Variants in PKP3 observed in about 807,000 individuals in gnomAD.
PKP3 encodes the protein plakophilin-3.
A neutral mutation model predicts 76.5 loss-of-function variants in PKP3; 66 were observed. That is an observed-to-expected ratio of 0.86 (90% confidence interval 0.71 to 1.06). The LOEUF (loss-of-function observed/expected upper bound fraction) is 1.06, where lower values mean the gene tolerates loss of function less well. Ranked by LOEUF, PKP3 falls within the 50% of genes least tolerant of loss-of-function variation. The pLI, the probability that PKP3 is intolerant of heterozygous loss-of-function variation, is 0.00. For missense variants in PKP3, 1,338 were observed against 1,141.0 expected, an observed-to-expected ratio of 1.17 and a Z score of -2.49; for synonymous variants, 638 against 516.5, an observed-to-expected ratio of 1.24 and a Z score of -3.19.
Position 404,625 on chromosome 11 carries a change from G to T in PKP3, c.*56G>T, listed in dbSNP as rs1590363338. On this transcript the variant is annotated 3_prime_UTR_variant, in exon 13 of 13. Transcript: ENST00000331563. The surrounding 1 kb of genome is among the most constrained non-coding windows in gnomAD (Gnocchi z 4.2). Reference sequence around the variant, plus strand: ...GCCCAGCGTCCAAGGGACAGACTCAGCTCCAGGCTGCTTGGCAGCCCAGCC... The same window carrying T: ...GCCCAGCGTCCAAGGGACAGACTCATCTCCAGGCTGCTTGGCAGCCCAGCC... 3 of 1,559,776 alleles carry T rather than the reference G, an allele frequency of 1.9e-6. No homozygotes were observed. The highest frequency in any genetic ancestry group is 4.5e-5 in the East Asian group (2 of 44,606).
chr11:398,352 G>C (rs573682229), intron 4 of PKP3, among the ~76,000 whole-genome samples: 4 of 4,266 alleles, frequency 9.4e-4, no homozygotes, highest in Admixed American at 3.0e-3. Context: ...CGTCACCTCC[G>C]TACCCCCGCA....
At position 404,640 on chromosome 11, in the gene PKP3, G is replaced by A. The variant is rs1847226003; in HGVS notation, c.*71G>A. On this transcript the variant is annotated 3_prime_UTR_variant, in exon 13 of 13. Transcript: ENST00000331563. The surrounding 1 kb of genome is among the most constrained non-coding windows in gnomAD (Gnocchi z 4.2). ...GACAGACTCAGCTCCAGGCTGCTTG[G>A]CAGCCCAGCCTGGAGGAGAAGGCTA... 6.7e-7 allele frequency: 1 copy of A among 1,493,436 alleles called. No homozygotes were observed. The allele number at this position is 1,493,436 out of a possible 1,614,324, so 92.5% of individuals were successfully genotyped here.
At chr11:392,665 C>G (rs1846989890), upstream of PKP3, 9 of 1,286,858 alleles carry the variant, frequency 7.0e-6, no homozygotes, top group Non-Finnish European at 9.1e-6. Context: ...GCAGTGGCCT[C>G]TGGGATGAGC....
chr11:394,144 G>A (rs567110861), upstream of PKP3: 8,266 of 1,249,570 alleles, frequency 6.6e-3, 25 homozygotes, highest in Non-Finnish European at 7.6e-3. Flanking sequence ...CCCCAGCTGC[G>A]CTCAGGGCTG....
intron 1 of PKP3, 91 bp from the exon 2 acceptor site, chr11:396,517 G>T (rs1261883319): frequency 3.7e-5 from 33 of 894,066 alleles, no homozygotes; most frequent in Non-Finnish European, 5.7e-5. Flanking sequence ...TGCTCCTAGG[G>T]TTGCCAATAG....
Position 404,610 on chromosome 11 carries a change from C to T in PKP3, c.*41C>T. 6.3e-7 allele frequency: 1 copy of T among 1,596,174 alleles called. No homozygotes were observed. Among genetic ancestry groups the T allele is most frequent in the Non-Finnish European group, 8.6e-7 (1 of 1,165,258 alleles). On this transcript the variant is annotated 3_prime_UTR_variant, in exon 13 of 13. Transcript: ENST00000331563. The surrounding 1 kb of genome is among the most constrained non-coding windows in gnomAD (Gnocchi z 4.2). ...GGAGAAGGTGACGTGGCCCAGCGTC[C>T]AAGGGACAGACTCAGCTCCAGGCTG...
chr11:404,112 C>G lies in PKP3; in HGVS notation c.2247C>G (p.Ile749Met), dbSNP rs1275081718. The part of the protein sequence containing the change: ...LLYFDGLRKL[I>M]FIKKKRDSPD... ...ATTTTGACGGACTCCGAAAGCTCATCTTCATCAAGAAGAAGCGGGACAGGT... is the reference window on the plus strand; with the variant it reads ...ATTTTGACGGACTCCGAAAGCTCATGTTCATCAAGAAGAAGCGGGACAGGT... Residue 749 changes from isoleucine (I) to methionine (M), a missense_variant, in exon 11 of 13, where the codon ATC becomes ATG. By Grantham distance (10) the Ile-to-Met change is conservative (BLOSUM62 1). Coordinates refer to ENST00000331563, the MANE Select transcript of PKP3 (RefSeq NM_007183.4). This position sits in a 1 kb window ranked among gnomAD's most constrained non-coding sequence, Gnocchi z 4.2. 1 of 1,611,080 alleles carries G rather than the reference C, an allele frequency of 6.2e-7. No individual in the cohort carries two copies. The highest frequency in any genetic ancestry group is 8.5e-7 in the Non-Finnish European group (1 of 1,178,888).
intron 4 of PKP3, among the ~76,000 whole-genome samples, chr11:398,111 T>TCC (rs2133598191): frequency 7.8e-5 from 5 of 63,936 alleles, no homozygotes; most frequent in Non-Finnish European, 1.1e-4. Context: ...CGCACACACC[T>TCC]GTGTCACCTC....
In PKP3 at chr11:397,092, G is replaced by C; in HGVS notation, c.591G>C (p.Leu197=). The part of the protein sequence containing the change: ...GPGGLDDRYS[L]VSEQLEPAAT... The stretch of plus-strand genomic sequence containing the variant: ...GGGGCCTGGACGACCGCTACAGCCT[G>C]GTGTCTGAGCAGCTGGAGCCCGCGG... Residue 197 remains leucine (L), a synonymous_variant, in exon 3 of 13, where the codon CTG becomes CTC. Transcript: ENST00000331563. 1.3e-6 allele frequency: 2 copies of C among 1,598,456 alleles called. No homozygotes were observed. Among genetic ancestry groups the C allele is most frequent in the Non-Finnish European group, 1.7e-6 (2 of 1,179,410 alleles).
At chr11:403,305 A>C (rs545293829) in intron 9 of PKP3, 42 bp downstream of exon 9, 1 of 1,369,034 alleles carries the variant, frequency 7.3e-7, no homozygotes, top group East Asian at 2.5e-5. Flanking sequence ...CCAGGGGTTC[A>C]TGCGGTTGAG....
chr11:392,679 G>A (rs894590370), upstream of PKP3: 3 of 1,286,860 alleles, frequency 2.3e-6, no homozygotes, highest in African/African-American at 4.6e-5. Context: ...GATGAGCTGG[G>A]AGGCTGGCGG....
chr11:400,540 G>A lies in PKP3; in HGVS notation c.1572G>A (p.Val524=). The change falls in exon 8 of 13, where the codon GTG becomes GTA. Residue 524 remains valine (V), a synonymous_variant. Coordinates refer to ENST00000331563, the MANE Select transcript of PKP3 (RefSeq NM_007183.4). Reference sequence around the variant, plus strand: ...CCCCGCGCCCCCGCCCGCAGAGCGTGGAGAACGCGGTGTGCGTCCTGCGGA... The same window carrying A: ...CCCCGCGCCCCCGCCCGCAGAGCGTAGAGAACGCGGTGTGCGTCCTGCGGA... ...LDAGKCEDKS[V]ENAVCVLRNL... The A allele has an allele frequency of 6.7e-7, 1 of 1,492,558 alleles. No homozygotes were observed. The highest frequency in any genetic ancestry group is 8.9e-7 in the Non-Finnish European group (1 of 1,128,316). 92.5% of individuals were successfully genotyped at this position (1,492,558 alleles called of 1,614,324 possible).
In PKP3 at chr11:396,703, AGCCC is replaced by A; in HGVS notation, c.312+18_312+21del. On this transcript the variant is annotated intron_variant, in intron 2 of 12. Coordinates refer to ENST00000331563, the MANE Select transcript of PKP3 (RefSeq NM_007183.4). ...CAAGACCTCGGTGAGCGATGGGCCCAGCCCGAGGGGGACGATCTGAGCTCTGCAG... is the reference window on the plus strand; with the variant it reads ...CAAGACCTCGGTGAGCGATGGGCCCAGAGGGGGACGATCTGAGCTCTGCAG... 1.2e-6 allele frequency: 2 copies of A among 1,603,024 alleles called. No homozygotes were observed. The highest frequency in any genetic ancestry group is 1.7e-6 in the Non-Finnish European group (2 of 1,174,262).
In PKP3 at chr11:403,637, G is replaced by A. The variant is rs757603200; in HGVS notation, c.1943G>A (p.Arg648His). 49 of 1,606,904 alleles carry A rather than the reference G, an allele frequency of 3.0e-5. 1 individual carries two copies. In the Admixed American group the frequency reaches 4.0e-4, roughly 13 times the overall value. The change falls in exon 10 of 13, where the codon CGC (arginine) becomes CAC (histidine). Residue 648 changes from arginine to histidine, a missense_variant. Coordinates refer to ENST00000331563, the MANE Select transcript of PKP3 (RefSeq NM_007183.4). ...GDRRWAGVLS[R>H]LALEQERILN... ...CCACAGTGGGCGGGGGTGCTGAGCC[G>A]CCTGGCCCTGGAGCAGGAGCGTATT...
chr11:398,835 C>T (rs943894940), intron 4 of PKP3, among the ~76,000 whole-genome samples, 157 bp from the exon 5 acceptor site: 28 of 150,192 alleles, frequency 1.9e-4, no homozygotes, highest in African/African-American at 4.9e-4. Context: ...CACACACCTC[C>T]GTCACCTCCC....
chr11:400,164 G>C lies in PKP3; in HGVS notation c.1448+23G>C, dbSNP rs369177535. On this transcript the variant is annotated intron_variant, in intron 6 of 12. Transcript: ENST00000331563. ...CAGGTGCGCCAGCCTCGGGCAGCGG[G>C]GTGGGGATTGCAGGCGCGGGTCACT... 6 of 1,517,688 alleles carry C rather than the reference G, an allele frequency of 4.0e-6. No individual in the cohort carries two copies. In the African/African-American group the frequency reaches 5.6e-5, roughly 14 times the overall value. 94.0% of individuals were successfully genotyped at this position (1,517,688 alleles called of 1,614,324 possible). A position where few individuals can be genotyped will look rare whatever the true frequency, so the allele number is the denominator to read the frequency against.
At chr11:398,286 T>C (rs1203304467) in intron 4 of PKP3, among the ~76,000 whole-genome samples, 4 of 69,530 alleles carry the variant, frequency 5.8e-5, no homozygotes, top group South Asian at 1.2e-3. Flanking sequence ...CACACCTGCG[T>C]CACCTCCCTA....
intron 1 of PKP3, chr11:396,341 T>G: frequency 7.1e-6 from 3 of 423,862 alleles, no homozygotes; most frequent in Non-Finnish European, 8.4e-6. Flanking sequence ...GACCAGGAGG[T>G]CAGTGGGTGA....
chr11:400,479 C>A, intron 7 of PKP3, 28 bp downstream of exon 7: 1 of 1,519,570 alleles, frequency 6.6e-7, no homozygotes. Flanking sequence ...GAGGAGGGGC[C>A]GTGCCCCCGG....
Sources: allele counts gnomAD v4.1 joint callset (sites outside exome capture counted in the v4.1 genomes callset), GRCh38; gene constraint gnomAD v4.1.1; non-coding constraint Gnocchi (gnomAD v3.1); transcripts MANE v1.5; gene names NCBI Gene and HGNC (gene_info 2026-07-23, HGNC 2026-07-21).